The following ATP13A4 variants were observed in gnomAD, a reference collection of about 807,000 sequenced individuals.
ATP13A4 encodes the protein probable cation-transporting ATPase 13A4.
A neutral mutation model predicts 142.5 loss-of-function variants in ATP13A4; 114 were observed. The ratio of observed to expected loss-of-function variants is 0.80; its 90% CI spans 0.69 to 0.93. The LOEUF is 0.93. ATP13A4 is among the 40% of genes least tolerant of loss of function. The pLI is 0.00. For synonymous variants in ATP13A4, 488 were observed against 514.8 expected, an observed-to-expected ratio of 0.95 and a Z score of 0.70; for missense variants, 1,392 against 1,454.0, an observed-to-expected ratio of 0.96 and a Z score of 0.69.
chr3:193,516,750 T>G (rs1481924743), intron 1 of ATP13A4, among the ~76,000 whole-genome samples: 1 of 152,178 alleles, frequency 6.6e-6, no homozygotes, highest in Admixed American at 6.5e-5. Context: ...AGTTACTCGG[T>G]TCTATAGCAA....
At chr3:193,439,099 C>T (rs1237902814) in intron 21 of ATP13A4, 34 bp from the exon 22 acceptor site, 1 of 1,553,522 alleles carries the variant, frequency 6.4e-7, no homozygotes, top group Admixed American at 1.7e-5. Context: ...TAGATGAGAT[C>T]AAACCTATCT....
At chr3:193,497,957 A>G (rs576168558) in intron 3 of ATP13A4, among the ~76,000 whole-genome samples, 1 of 152,318 alleles carries the variant, frequency 6.6e-6, no homozygotes, top group Non-Finnish European at 1.5e-5. Flanking sequence ...GGTCAACAGT[A>G]CAAAGTTATA....
chr3:193,428,796 TG>T (rs1158475671), intron 25 of ATP13A4, among the ~76,000 whole-genome samples: 1 of 65,134 alleles, frequency 1.5e-5, no homozygotes, highest in African/African-American at 6.3e-5. Context: ...TGTCGTGGGG[TG>T]GGGGGAGGGG....
intron 29 of ATP13A4, chr3:193,403,948 A>AT (rs1434484132): frequency 1.0e-6 from 1 of 985,360 alleles, no homozygotes; most frequent in Non-Finnish European, 1.2e-6. Flanking sequence ...AAATCTACCC[A>AT]TTTTTGCCAT....
intron 9 of ATP13A4, among the ~76,000 whole-genome samples, chr3:193,469,999 T>C (rs925207222): frequency 3.3e-5 from 5 of 152,184 alleles, no homozygotes; most frequent in Non-Finnish European, 7.4e-5. Context: ...TAAGCTAACA[T>C]AGGAAGAAGG....
intron 25 of ATP13A4, among the ~76,000 whole-genome samples, chr3:193,423,301 T>C (rs1326626064): frequency 1.3e-5 from 2 of 149,528 alleles, no homozygotes; most frequent in Non-Finnish European, 3.0e-5. Flanking sequence ...AGAACTAATA[T>C]CGATTCTATT....
intron 2 of ATP13A4, chr3:193,579,500 T>C (rs1415403243): frequency 6.6e-6 from 1 of 152,126 alleles, no homozygotes; most frequent in Non-Finnish European, 1.5e-5. Context: ...GTAATATATA[T>C]ATATATATTC....
intron 1 of ATP13A4, among the ~76,000 whole-genome samples, chr3:193,591,458 T>A (rs1439734157): frequency 6.6e-6 from 1 of 152,236 alleles, no homozygotes; most frequent in Non-Finnish European, 1.5e-5. Flanking sequence ...CCTTTTTTCA[T>A]GGCAACACTA....
chr3:193,505,744 G>GC (rs1720829184), intron 2 of ATP13A4, among the ~76,000 whole-genome samples: 1 of 151,984 alleles, frequency 6.6e-6, no homozygotes, highest in Non-Finnish European at 1.5e-5. Flanking sequence ...GCTTTTTAAG[G>GC]AAAAAAAGCA....
intron 28 of ATP13A4, among the ~76,000 whole-genome samples, chr3:193,407,695 A>G (rs1019678183): frequency 6.6e-6 from 1 of 152,104 alleles, no homozygotes; most frequent in African/African-American, 2.4e-5. Context: ...ATTTCCTAAA[A>G]TAACTTTGGT....
intron 7 of ATP13A4, 91 bp from the exon 8 acceptor site, chr3:193,484,096 A>T: frequency 5.7e-6 from 6 of 1,045,440 alleles, no homozygotes; most frequent in Non-Finnish European, 9.0e-6. Context: ...AAGATAGAGC[A>T]CTGTCTTACT....
At chr3:193,441,048 C>T (rs868132368) in intron 20 of ATP13A4, among the ~76,000 whole-genome samples, 1 of 151,954 alleles carries the variant, frequency 6.6e-6, no homozygotes, top group Non-Finnish European at 1.5e-5. Context: ...TTACCTCCCC[C>T]GACTAAAGCT....
At position 193,514,743 on chromosome 3, in the gene ATP13A4, G is replaced by T; in HGVS notation, c.189C>A (p.Val63=). ...TGTCTGCTTCTTGCAAGGAACATGG[G>T]ACACAATGTGCCCATACGTGCCATG... The part of the protein sequence containing the change: ...RPAWHVWAHC[V]PCSLQEADTV... The change falls in exon 2 of 30, where the codon GTC becomes GTA. Residue 63 remains valine (V), a synonymous_variant. Coordinates refer to ENST00000342695, the MANE Select transcript of ATP13A4 (RefSeq NM_032279.4). 7 of 1,614,156 alleles carry T rather than the reference G, an allele frequency of 4.3e-6. No homozygotes were observed. The highest frequency in any genetic ancestry group is 5.9e-6 in the Non-Finnish European group (7 of 1,180,024).
intron 1 of ATP13A4, among the ~76,000 whole-genome samples, chr3:193,529,581 T>C (rs550433646): frequency 6.6e-6 from 1 of 150,864 alleles, no homozygotes; most frequent in Non-Finnish European, 1.5e-5. Context: ...TGTGCAAGAG[T>C]GCCAAAATGC....
chr3:193,454,104 G>A lies in ATP13A4; in HGVS notation c.2024C>T (p.Thr675Met), dbSNP rs201101100. Reference sequence around the variant, plus strand: ...TATCAAAATCATCCCCATTTACCTCGTCAAGGTAGTAGCGTGATGGTCATT... The same window carrying A: ...TATCAAAATCATCCCCATTTACCTCATCAAGGTAGTAGCGTGATGGTCATT... ...LENDHHATTL[T>M]RETVESDLIF... Residue 675 changes from threonine (T) to methionine (M), a missense_variant, in exon 17 of 30, where the codon ACG becomes ATG. Coordinates refer to ENST00000342695, the MANE Select transcript of ATP13A4 (RefSeq NM_032279.4). 3.5e-5 allele frequency: 57 copies of A among 1,607,080 alleles called. No individual in the cohort carries two copies. In the East Asian group the frequency reaches 6.0e-4, roughly 17 times the overall value.
intron 1 of ATP13A4, among the ~76,000 whole-genome samples, chr3:193,547,755 A>G (rs1489991931): frequency 6.6e-6 from 1 of 151,692 alleles, no homozygotes; most frequent in Non-Finnish European, 1.5e-5. Context: ...CAGGGCCCAC[A>G]CTCAGAAGGG....
At chr3:193,577,745 A>G (rs1294780578) in intron 2 of ATP13A4, among the ~76,000 whole-genome samples, 1 of 152,216 alleles carries the variant, frequency 6.6e-6, no homozygotes, top group Non-Finnish European at 1.5e-5. Context: ...TTCTTTGCTG[A>G]TGAAGTAGGA....
chr3:193,463,783 A>T (rs1160089197), intron 12 of ATP13A4, among the ~76,000 whole-genome samples: 1 of 152,210 alleles, frequency 6.6e-6, no homozygotes, highest in African/African-American at 2.4e-5. Context: ...CATTTCTTAC[A>T]TTGCTAGTTT....
At chr3:193,575,802 T>C (rs1369677143) in intron 2 of ATP13A4, among the ~76,000 whole-genome samples, 2 of 152,236 alleles carry the variant, frequency 1.3e-5, no homozygotes, top group African/African-American at 4.8e-5. Context: ...TTTTTAAGTA[T>C]CTGAGTTCCA....
Sources: allele counts gnomAD v4.1 joint callset (sites outside exome capture counted in the v4.1 genomes callset), GRCh38; gene constraint gnomAD v4.1.1; transcripts MANE v1.5; gene names NCBI Gene and HGNC (gene_info 2026-07-23, HGNC 2026-07-21).